MARF1: variants seen among roughly 807,000 people sequenced by gnomAD.
MARF1 encodes meiosis regulator and mRNA stability factor 1.
A neutral mutation model predicts 168.2 loss-of-function variants in MARF1; 24 were observed. The ratio of observed to expected loss-of-function variants is 0.14; its 90% CI spans 0.10 to 0.20. The LOEUF (loss-of-function observed/expected upper bound fraction) is 0.20. Ranked by LOEUF, MARF1 falls within the 10% of genes least tolerant of loss-of-function variation. The probability of loss-of-function intolerance (pLI) is 1.00; values close to 1 mark genes in which losing one functional copy is unlikely to be tolerated. For missense variants in MARF1, 1,744 were observed against 2,143.6 expected (o/e 0.81, Z 3.68); for synonymous variants, 868 against 822.4 (o/e 1.06, Z -0.95).
chr16:15,630,118 A>C (rs1184560463), intron 7 of MARF1: 3 of 413,994 alleles, frequency 7.2e-6, no homozygotes, highest in South Asian at 1.0e-4. Context: ...ATTTCATATG[A>C]TATTTTGAAA....
rs778844405 is a variant in MARF1 at position 15,612,615 on chromosome 16, G to A, written c.3416C>T (p.Ser1139Leu). The change falls in exon 17 of 27, where the codon TCA (serine) becomes TTA (leucine). Residue 1139 changes from serine to leucine, a missense_variant. Physicochemically the swap from Ser to Leu is moderately radical, Grantham distance 145 (BLOSUM62 -2). This residue lies in a region of MARF1 where 543 missense variants were observed against 742.1 expected (regional missense o/e 0.73). Coordinates refer to ENST00000396368, the MANE Select transcript of MARF1 (RefSeq NM_014647.4). ...AATCAGCTTGGAGTATCCGTAGTCTGACACTCGGCACTGCTTTGCAAAATG... is the reference window on the plus strand; with the variant it reads ...AATCAGCTTGGAGTATCCGTAGTCTAACACTCGGCACTGCTTTGCAAAATG... ...HHHFAKQCRV[S>L]DYGYSKLIEL... 6.2e-7 allele frequency: 1 copy of A among 1,614,178 alleles called. No homozygotes were observed. The highest frequency in any genetic ancestry group is 8.5e-7 in the Non-Finnish European group (1 of 1,180,022).
chr16:15,639,458 T>C (rs1367391771), intron 1 of MARF1, among the ~76,000 whole-genome samples, 167 bp from the exon 2 acceptor site: 1 of 152,210 alleles, frequency 6.6e-6, no homozygotes, highest in East Asian at 1.9e-4. Context: ...TGGCATGCAG[T>C]GGTACGATCT....
At chr16:15,633,192 C>CACACACACACACACAG (rs1555529769) in intron 5 of MARF1, among the ~76,000 whole-genome samples, 1 of 150,566 alleles carries the variant, frequency 6.6e-6, no homozygotes, top group East Asian at 1.9e-4. Context: ...CACACACACA[C>CACACACACACACACAG]ACACACACAC....
chr16:15,617,375 A>G lies in MARF1; in HGVS notation c.2881T>C (p.Cys961Arg). Residue 961 changes from cysteine to arginine, a missense_variant, in exon 14 of 27, where the codon TGC (cysteine) becomes CGC (arginine). Coordinates refer to ENST00000396368, the MANE Select transcript of MARF1 (RefSeq NM_014647.4). The part of the protein sequence containing the change: ...SQSHDGSSTN[C>R]SPIIFEELEY... ...AACTCTTCAAATATAATTGGGCTGC[A>G]ATTCGTGGAGGAGCCGTCGTGTGAC... is the stretch of plus-strand genomic sequence containing the variant. 1.2e-6 allele frequency: 2 copies of G among 1,614,212 alleles called. No individual in the cohort carries two copies. Among genetic ancestry groups the G allele is most frequent in the Non-Finnish European group, 1.7e-6 (2 of 1,180,042 alleles).
intron 21 of MARF1, among the ~76,000 whole-genome samples, chr16:15,606,607 C>T (rs1263757694): frequency 6.6e-6 from 1 of 152,074 alleles, no homozygotes; most frequent in Admixed American, 6.5e-5. Context: ...AAGAGGACTC[C>T]CTTCTATTCC....
At chr16:15,607,694 C>T (rs971535455) in intron 21 of MARF1, among the ~76,000 whole-genome samples, 1 of 152,220 alleles carries the variant, frequency 6.6e-6, no homozygotes, top group African/African-American at 2.4e-5. Flanking sequence ...ATTCCTTCCT[C>T]CTGGCAGTGA....
At chr16:15,629,413 G>A (rs888349283) in intron 7 of MARF1, among the ~76,000 whole-genome samples, 2 of 152,166 alleles carry the variant, frequency 1.3e-5, no homozygotes, top group African/African-American at 4.8e-5. Flanking sequence ...TAGCAGGCAA[G>A]TGCCGGAATC....
At position 15,625,322 on chromosome 16, in the gene MARF1, A is replaced by G. The variant is rs377204336; in HGVS notation, c.1953+50T>C. 4 of 1,561,766 alleles carry G rather than the reference A, an allele frequency of 2.6e-6. No homozygotes were observed. In the African/African-American group the frequency reaches 4.1e-5, roughly 16 times the overall value. ...GCAAGCGGGCACGTAAAACACAGAAACAAACCAAACCTACCATAAACTTCA... is the reference window on the plus strand; with the variant it reads ...GCAAGCGGGCACGTAAAACACAGAAGCAAACCAAACCTACCATAAACTTCA... On this transcript the variant is annotated intron_variant, in intron 8 of 26. Coordinates refer to ENST00000396368, the MANE Select transcript of MARF1 (RefSeq NM_014647.4).
chr16:15,616,516 C>G (rs2034056807), intron 15 of MARF1, among the ~76,000 whole-genome samples: 1 of 152,198 alleles, frequency 6.6e-6, no homozygotes, highest in Admixed American at 6.5e-5. Context: ...GTTTACGTTT[C>G]TAAAATGTAG....
At chr16:15,633,523 G>C in intron 5 of MARF1, 94 bp downstream of exon 5, 3 of 948,876 alleles carry the variant, frequency 3.2e-6, no homozygotes, top group Non-Finnish European at 1.6e-6. Flanking sequence ...TCCAGCCTGG[G>C]TGACACTTAG....
At chr16:15,631,523 A>G in intron 5 of MARF1, 25 bp from the exon 6 acceptor site, 1 of 1,516,050 alleles carries the variant, frequency 6.6e-7, no homozygotes, top group Non-Finnish European at 9.1e-7. Flanking sequence ...AATAAGGGTG[A>G]ATAAGCAGGA....
chr16:15,599,308 C>T, intron 25 of MARF1: 1 of 451,946 alleles, frequency 2.2e-6, no homozygotes, highest in Non-Finnish European at 4.0e-6. Flanking sequence ...GTCCTGCAGT[C>T]AGCTTCCAAA....
Position 15,635,682 on chromosome 16 carries a change from G to A in MARF1, c.805C>T (p.Leu269Phe), listed in dbSNP as rs1419927218. The part of the protein sequence containing the change: ...VVPPVCLKGS[L>F]YCEDCLNKPA... ...TTGTTTAGACAGTCTTCGCAGTAAA[G>A]TGAGCCCTTTAAACAAACCGGAGGT... The change falls in exon 3 of 27, where the codon CTT becomes TTT. Residue 269 changes from leucine to phenylalanine, a missense_variant. Physicochemically the swap from Leu to Phe is conservative, Grantham distance 22. Coordinates refer to ENST00000396368, the MANE Select transcript of MARF1 (RefSeq NM_014647.4). The A allele has an allele frequency of 6.2e-7, 1 of 1,613,848 alleles. No individual in the cohort carries two copies. Among genetic ancestry groups the A allele is most frequent in the African/African-American group, 1.3e-5 (1 of 74,918 alleles).
intron 21 of MARF1, among the ~76,000 whole-genome samples, chr16:15,606,319 G>A (rs527283397): frequency 7.9e-5 from 12 of 152,066 alleles, no homozygotes; most frequent in South Asian, 4.1e-4. Context: ...TTTTCCTGAC[G>A]CCCATCGGTA....
rs1466451230 is a variant in MARF1 at position 15,601,761 on chromosome 16, T to TA, written c.4626+229dup. 8.3e-5 allele frequency: 49 copies of TA among 592,574 alleles called. 1 individual carries two copies. The East Asian group carries it at 1.2e-3, about 15-fold the overall frequency. The allele number at this position is 592,574 out of a possible 1,614,324, so 36.7% of individuals were successfully genotyped here. A position where few individuals can be genotyped will look rare whatever the true frequency, so the allele number is the denominator to read the frequency against. The stretch of plus-strand genomic sequence containing the variant: ...CCATTAACCAACACCTTTCTAGAGT[T>TA]ACAGCCTGAAACTTACTCACCTGGC... On this transcript the variant is annotated intron_variant, in intron 23 of 26. Transcript: ENST00000396368.
chr16:15,609,541 G>A lies in MARF1; in HGVS notation c.3936C>T (p.Ala1312=), dbSNP rs746418092. The change falls in exon 20 of 27, where the codon GCC becomes GCT. Residue 1312 remains alanine (A), a synonymous_variant. Transcript: ENST00000396368. ...GFTKLLELFE[A]IPDTLQVLEC... ...CACTCACTTGTAAAGTATCAGGTAT[G>A]GCTTCAAAAAGTTCAAGTAGTTTGG... 1.1e-5 allele frequency: 18 copies of A among 1,613,480 alleles called. No homozygotes were observed. The highest frequency in any genetic ancestry group is 1.7e-5 in the Admixed American group (1 of 59,998).
intron 23 of MARF1, chr16:15,601,709 G>C (rs2032451982): frequency 1.1e-5 from 6 of 525,740 alleles, no homozygotes; most frequent in Non-Finnish European, 2.1e-5. Context: ...GCCCTGACTA[G>C]TTGCCTGCTT....
intron 16 of MARF1, among the ~76,000 whole-genome samples, chr16:15,613,056 G>A (rs1011144573): frequency 1.4e-4 from 22 of 152,308 alleles, no homozygotes; most frequent in African/African-American, 4.1e-4. Context: ...TATAGCAGAA[G>A]TCAAAGTACA....
rs1047973705 is a variant in MARF1 at position 15,621,622 on chromosome 16, T to A, written c.2639+111A>T. ...AATCTAGAATAAGCATTATTCCACA[T>A]GCAATCATCACAAGGGGGTGGGAAT... On this transcript the variant is annotated intron_variant, in intron 12 of 26. Coordinates refer to ENST00000396368, the MANE Select transcript of MARF1 (RefSeq NM_014647.4). 5.0e-6 allele frequency: 5 copies of A among 1,003,588 alleles called. No homozygotes were observed. The Admixed American group carries it at 1.3e-4, about 26-fold the overall frequency. 62.2% of individuals were successfully genotyped at this position (1,003,588 alleles called of 1,614,324 possible). A position where few individuals can be genotyped will look rare whatever the true frequency, so the allele number is the denominator to read the frequency against.
Sources: allele counts gnomAD v4.1 joint callset (sites outside exome capture counted in the v4.1 genomes callset), GRCh38; gene constraint gnomAD v4.1.1; regional missense constraint gnomAD v4.1.1; transcripts MANE v1.5; gene names NCBI Gene and HGNC (gene_info 2026-07-23, HGNC 2026-07-21).